Variants in CCNY observed in about 807,000 individuals in gnomAD.
CCNY encodes the protein cyclin Y, also known as cyclin-Y.
A neutral mutation model predicts 42.8 loss-of-function variants in CCNY; 19 were observed. The ratio of observed to expected loss-of-function variants is 0.44; its 90% CI spans 0.31 to 0.65. The LOEUF is 0.65. CCNY is among the 30% of genes least tolerant of loss of function. CCNY has a pLI of 0.07. For synonymous variants in CCNY, 165 were observed against 162.7 expected, an observed-to-expected ratio of 1.01 and a Z score of -0.11; for missense variants, 370 against 437.3, an observed-to-expected ratio of 0.85 and a Z score of 1.37.
intron 1 of CCNY, among the ~76,000 whole-genome samples, chr10:35,390,833 T>C (rs1427115424): frequency 4.6e-5 from 7 of 152,246 alleles, no homozygotes; most frequent in Non-Finnish European, 1.0e-4. Flanking sequence ...GACATGTAAA[T>C]GCTCAAGATA....
intron 1 of CCNY, among the ~76,000 whole-genome samples, chr10:35,391,469 G>A (rs568151772): frequency 6.6e-6 from 1 of 152,284 alleles, no homozygotes; most frequent in Non-Finnish European, 1.5e-5. Context: ...GGGAACAGAT[G>A]TGAACTACTG....
At chr10:35,297,178 A>G (rs1835480781) in intron 3 of CCNY, among the ~76,000 whole-genome samples, 1 of 152,024 alleles carries the variant, frequency 6.6e-6, no homozygotes, top group Non-Finnish European at 1.5e-5. Flanking sequence ...ATATATACAA[A>G]TTAAAAAAAA....
At chr10:35,554,580 G>C (rs557576572) in intron 8 of CCNY, among the ~76,000 whole-genome samples, 1 of 152,252 alleles carries the variant, frequency 6.6e-6, no homozygotes, top group African/African-American at 2.4e-5. Context: ...TTGCTCAGCT[G>C]CTTGGTATCA....
chr10:35,318,421 A>T (rs1835785008), intron 3 of CCNY, among the ~76,000 whole-genome samples: 1 of 152,114 alleles, frequency 6.6e-6, no homozygotes, highest in African/African-American at 2.4e-5. Flanking sequence ...ATGAAGTAGA[A>T]ATATCAATAT....
At chr10:35,306,410 A>T (rs771726998) in intron 3 of CCNY, among the ~76,000 whole-genome samples, 19 of 152,110 alleles carry the variant, frequency 1.2e-4, no homozygotes, top group Non-Finnish European at 1.9e-4. Flanking sequence ...CAATATTTCC[A>T]TTTCCTGAGA....
intron 4 of CCNY, among the ~76,000 whole-genome samples, chr10:35,522,226 C>G (rs1239778160): frequency 2.0e-5 from 3 of 152,204 alleles, no homozygotes; most frequent in Non-Finnish European, 4.4e-5. Context: ...TTGGTTCCCT[C>G]TAAACAAAGA....
intron 1 of CCNY, among the ~76,000 whole-genome samples, chr10:35,439,533 T>C (rs1232039838): frequency 6.6e-6 from 1 of 151,882 alleles, no homozygotes; most frequent in Non-Finnish European, 1.5e-5. Context: ...TCTCTCTCTC[T>C]CTTTTTTTTT....
In CCNY at chr10:35,318,757, T is replaced by TA. The variant is rs376570406; in HGVS notation, c.-9+68141dup. ...TGGTAGAACAATAATGATGATTCAG[T>TA]AAAAAAAAAATAGTAAAAGAAGAAC... On this transcript the variant is annotated intron_variant, in intron 3 of 11. Coordinates refer to the CCNY transcript ENST00000374706. 4.9e-3 allele frequency among the ~76,000 whole-genome samples: 720 copies of TA among 147,126 alleles called. 7 individuals carry two copies. The highest frequency in any genetic ancestry group is 0.016 in the African/African-American group (656 of 40,214).
intron 3 of CCNY, among the ~76,000 whole-genome samples, chr10:35,258,503 G>A (rs1374664780): frequency 6.6e-6 from 1 of 152,286 alleles, no homozygotes; most frequent in South Asian, 2.1e-4. Context: ...AATGACAGAG[G>A]TGCAACAAAA....
At chr10:35,264,975 G>A (rs963224188) in intron 3 of CCNY, among the ~76,000 whole-genome samples, 1 of 152,098 alleles carries the variant, frequency 6.6e-6, no homozygotes, top group Non-Finnish European at 1.5e-5. Flanking sequence ...GTTTTTTCTT[G>A]TAAATTTAAG....
At chr10:35,437,452 C>T (rs72798165) in intron 1 of CCNY, among the ~76,000 whole-genome samples, 11,122 of 152,058 alleles carry the variant, frequency 0.073, 547 homozygotes, top group Non-Finnish European at 0.1. Context: ...CCCAGGAGTT[C>T]GAGATCAGCT....
chr10:35,287,671 C>T (rs541613073), intron 3 of CCNY, among the ~76,000 whole-genome samples: 12 of 152,140 alleles, frequency 7.9e-5, no homozygotes, highest in Non-Finnish European at 1.8e-4. Flanking sequence ...TAGTTCATTT[C>T]TTTTTTTACT....
intron 3 of CCNY, among the ~76,000 whole-genome samples, chr10:35,306,896 T>C (rs1835612699): frequency 6.6e-6 from 1 of 152,124 alleles, no homozygotes; most frequent in Admixed American, 6.6e-5. Flanking sequence ...CAGAGCAATA[T>C]GTCCAGGAGC....
chr10:35,492,683 T>C (rs1322354154), intron 2 of CCNY, among the ~76,000 whole-genome samples: 1 of 152,198 alleles, frequency 6.6e-6, no homozygotes, highest in Non-Finnish European at 1.5e-5. Flanking sequence ...TAGAAGAAAC[T>C]CACAAGCATA....
chr10:35,283,021 G>T (rs1005797929), intron 3 of CCNY, among the ~76,000 whole-genome samples: 2 of 152,130 alleles, frequency 1.3e-5, no homozygotes, highest in African/African-American at 4.8e-5. Flanking sequence ...CTTCACCTGG[G>T]TGTCACCACC....
chr10:35,480,114 C>G (rs1242442845), intron 1 of CCNY, among the ~76,000 whole-genome samples: 1 of 152,150 alleles, frequency 6.6e-6, no homozygotes, highest in Non-Finnish European at 1.5e-5. Flanking sequence ...ACATCAGACA[C>G]TGGTCTTGAA....
chr10:35,422,109 A>C (rs1175093350), intron 1 of CCNY, among the ~76,000 whole-genome samples: 3 of 152,138 alleles, frequency 2.0e-5, no homozygotes, highest in African/African-American at 7.2e-5. Context: ...CTTATTTTGT[A>C]TTCTATAAAT....
chr10:35,533,607 G>T (rs1840816521), intron 7 of CCNY, among the ~76,000 whole-genome samples: 1 of 152,148 alleles, frequency 6.6e-6, no homozygotes, highest in Non-Finnish European at 1.5e-5. Context: ...TGCTCAAAGG[G>T]CACATCAGGG....
At chr10:35,537,129 A>T (rs1385552520) in intron 7 of CCNY, among the ~76,000 whole-genome samples, 1 of 152,212 alleles carries the variant, frequency 6.6e-6, no homozygotes, top group Non-Finnish European at 1.5e-5. Context: ...GGGCCAAGGC[A>T]CAGCTCGGGC....
Sources: allele counts gnomAD v4.1 joint callset (sites outside exome capture counted in the v4.1 genomes callset), GRCh38; gene constraint gnomAD v4.1.1; transcripts MANE v1.5; gene names NCBI Gene and HGNC (gene_info 2026-07-23, HGNC 2026-07-21).